Variants in LUZP2 observed in about 807,000 individuals in gnomAD.
LUZP2 encodes the protein leucine zipper protein 2.
LUZP2 carries 52 observed loss-of-function variants against 51.6 expected under a neutral mutation model. The observed-to-expected ratio is 1.01, with a 90% CI of 0.81 to 1.27. The LOEUF (loss-of-function observed/expected upper bound fraction) is 1.27, where lower values mean the gene tolerates loss of function less well. Among genes scored for constraint, LUZP2 ranks in the 50% most tolerant of loss-of-function variants. The probability of loss-of-function intolerance (pLI) is 0.00; values close to 1 mark genes in which losing one functional copy is unlikely to be tolerated. For missense variants in LUZP2, 436 were observed against 395.4 expected (o/e 1.10, Z -0.87); for synonymous variants, 154 against 137.3 (o/e 1.12, Z -0.85).
intron 9 of LUZP2, among the ~76,000 whole-genome samples, chr11:25,044,255 G>GTATATATATATA (rs1297961732): frequency 3.3e-4 from 14 of 42,376 alleles, no homozygotes; most frequent in Non-Finnish European, 4.9e-4. Context: ...GTGTGTGTGT[G>GTATATATATATA]TGTATATATA....
intron 5 of LUZP2, among the ~76,000 whole-genome samples, chr11:24,803,445 C>T (rs1269128089): frequency 1.3e-5 from 2 of 152,062 alleles, no homozygotes; most frequent in African/African-American, 2.4e-5. Context: ...AGTGGTACAG[C>T]TGCTGTGGAA....
At chr11:24,927,903 A>G (rs555997028) in intron 7 of LUZP2, among the ~76,000 whole-genome samples, 10 of 151,960 alleles carry the variant, frequency 6.6e-5, no homozygotes, top group Admixed American at 4.6e-4. Context: ...TGTTTTGTCT[A>G]TGATTTCTTT....
At chr11:24,883,174 A>C (rs1030695254) in intron 5 of LUZP2, among the ~76,000 whole-genome samples, 1 of 151,598 alleles carries the variant, frequency 6.6e-6, no homozygotes, top group Non-Finnish European at 1.5e-5. Flanking sequence ...AAAGTTAGCA[A>C]ACGTTTTTTT....
chr11:25,048,557 T>C (rs1217265490), intron 9 of LUZP2, among the ~76,000 whole-genome samples: 1 of 152,174 alleles, frequency 6.6e-6, no homozygotes, highest in Admixed American at 6.5e-5. Context: ...GCTTGTTCAT[T>C]GGCTTGATTT....
chr11:25,035,690 A>C (rs1857834446), intron 9 of LUZP2, among the ~76,000 whole-genome samples: 1 of 152,110 alleles, frequency 6.6e-6, no homozygotes, highest in Admixed American at 6.6e-5. Context: ...TGGGTATTAC[A>C]GTAAAATATA....
At chr11:25,021,875 A>T (rs1315767495) in intron 9 of LUZP2, among the ~76,000 whole-genome samples, 1 of 151,920 alleles carries the variant, frequency 6.6e-6, no homozygotes, top group Non-Finnish European at 1.5e-5. Flanking sequence ...AATGTGAATG[A>T]CTCTGGGGTA....
At chr11:24,619,239 G>T (rs191051765) in intron 1 of LUZP2, among the ~76,000 whole-genome samples, 33 of 152,118 alleles carry the variant, frequency 2.2e-4, no homozygotes, top group African/African-American at 8.0e-4. Flanking sequence ...TTGCTATGTT[G>T]TCCAAGCTGG....
intron 1 of LUZP2, among the ~76,000 whole-genome samples, chr11:24,504,201 C>G (rs934200708): frequency 2.0e-5 from 3 of 152,178 alleles, no homozygotes; most frequent in Non-Finnish European, 4.4e-5. Flanking sequence ...CAGACATTTG[C>G]TGATATAAAT....
rs563642354 is a variant in LUZP2 at position 24,602,259 on chromosome 11, C to CATATATACACACAT, written c.62+104960_62+104961insACACACATATATAT. 1.9e-4 allele frequency among the ~76,000 whole-genome samples: 14 copies of CATATATACACACAT among 74,066 alleles called. 1 individual carries two copies. Among genetic ancestry groups the CATATATACACACAT allele is most frequent in the Non-Finnish European group, 3.6e-4 (13 of 35,752 alleles). 48.6% of individuals were successfully genotyped at this position (74,066 alleles called of 152,430 possible). On this transcript the variant is annotated intron_variant, in intron 1 of 11. Coordinates refer to ENST00000336930, the MANE Select transcript of LUZP2 (RefSeq NM_001009909.4). ...GTGTATATATGTATATATATGCAAA[C>CATATATACACACAT]ATATATGTACATACATATATACACA...
intron 1 of LUZP2, among the ~76,000 whole-genome samples, chr11:24,533,061 T>C (rs1851061525): frequency 6.6e-6 from 1 of 151,310 alleles, no homozygotes; most frequent in Non-Finnish European, 1.5e-5. Context: ...GACAGTGCTG[T>C]ATAATCAGAG....
At chr11:24,650,615 C>T (rs1264989505) in intron 1 of LUZP2, among the ~76,000 whole-genome samples, 1 of 152,086 alleles carries the variant, frequency 6.6e-6, no homozygotes, top group Non-Finnish European at 1.5e-5. Context: ...ATAATGAACA[C>T]TCACCAATGA....
At chr11:24,937,421 A>C (rs1235006551) in intron 7 of LUZP2, among the ~76,000 whole-genome samples, 1 of 152,216 alleles carries the variant, frequency 6.6e-6, no homozygotes, top group Admixed American at 6.5e-5. Flanking sequence ...AAAAACACAC[A>C]CTTCCAAGTT....
chr11:24,528,922 A>G lies in LUZP2; in HGVS notation c.62+31617A>G, dbSNP rs902623151. 3.3e-5 allele frequency among the ~76,000 whole-genome samples: 5 copies of G among 151,324 alleles called. No homozygotes were observed. In the East Asian group the frequency reaches 5.8e-4, roughly 18 times the overall value. On this transcript the variant is annotated intron_variant, in intron 1 of 11. Transcript: ENST00000336930. ...TATTCTCTTTATTGAGTTTAGTATTATACACATAGTAGGTGATCAGATGGT... is the reference window on the plus strand; with the variant it reads ...TATTCTCTTTATTGAGTTTAGTATTGTACACATAGTAGGTGATCAGATGGT...
At chr11:24,928,655 A>G (rs116811047) in intron 7 of LUZP2, among the ~76,000 whole-genome samples, 1,729 of 152,162 alleles carry the variant, frequency 0.011, 36 homozygotes, top group African/African-American at 0.039. Flanking sequence ...GGATTTTTGC[A>G]TCTGTGTTCA....
intron 4 of LUZP2, among the ~76,000 whole-genome samples, chr11:24,746,379 C>T (rs112976453): frequency 0.012 from 1,825 of 152,252 alleles, 18 homozygotes; most frequent in Non-Finnish European, 0.018. Flanking sequence ...GAAGATAGGG[C>T]CCCAATCCTT....
intron 7 of LUZP2, among the ~76,000 whole-genome samples, chr11:24,975,713 T>A (rs1478656972): frequency 6.6e-6 from 1 of 152,050 alleles, no homozygotes; most frequent in Non-Finnish European, 1.5e-5. Flanking sequence ...CAATATCACA[T>A]AGCTGGGAAG....
chr11:25,012,035 A>G (rs1216859653), intron 9 of LUZP2, among the ~76,000 whole-genome samples: 1 of 152,116 alleles, frequency 6.6e-6, no homozygotes, highest in Non-Finnish European at 1.5e-5. Context: ...TTTCTAACAA[A>G]ATGGTTCATT....
intron 5 of LUZP2, among the ~76,000 whole-genome samples, chr11:24,870,629 C>T (rs1207473025): frequency 6.6e-6 from 1 of 152,068 alleles, no homozygotes; most frequent in Admixed American, 6.6e-5. Flanking sequence ...TGCAATAAAT[C>T]CTCCAAAAGT....
chr11:24,567,436 T>C (rs561965356), intron 1 of LUZP2, among the ~76,000 whole-genome samples: 1 of 152,070 alleles, frequency 6.6e-6, no homozygotes, highest in South Asian at 2.1e-4. Context: ...AATAGAAACC[T>C]CCCAAATGTG....
Sources: gnomAD v4.1 joint callset for allele counts (sites outside exome capture counted in the v4.1 genomes callset) on GRCh38, gnomAD v4.1.1 for gene constraint, MANE v1.5 for transcripts, NCBI Gene and HGNC (gene_info 2026-07-23, HGNC 2026-07-21) for gene names.